Variants in DOK6 observed in about 807,000 individuals in gnomAD.
DOK6 encodes the protein docking protein 6.
In DOK6, 22 loss-of-function variants were observed where a neutral mutation model predicts 44.0. The observed-to-expected ratio is 0.50, with a 90% CI of 0.36 to 0.71. The LOEUF (loss-of-function observed/expected upper bound fraction) is 0.71. Ranked by LOEUF, DOK6 falls within the 30% of genes least tolerant of loss-of-function variation. The probability of loss-of-function intolerance (pLI) is 0.00; values close to 1 mark genes in which losing one functional copy is unlikely to be tolerated. For missense variants in DOK6, 340 were observed against 416.4 expected (o/e 0.82, Z 1.60); for synonymous variants, 166 against 145.5 (o/e 1.14, Z -1.01).
At chr18:69,812,094 A>G (rs1254226486) in intron 7 of DOK6, among the ~76,000 whole-genome samples, 7 of 152,174 alleles carry the variant, frequency 4.6e-5, no homozygotes, top group Non-Finnish European at 7.3e-5. Flanking sequence ...TATATTTAAT[A>G]GAATGTTAAA....
At position 69,842,451 on chromosome 18, in the gene DOK6, C is replaced by A. The variant is rs913207946; in HGVS notation, c.*1068C>A. The A allele has an allele frequency of 6.6e-6, 1 of 152,138 alleles. No individual in the cohort carries two copies. Among genetic ancestry groups the A allele is most frequent in the Non-Finnish European group, 1.5e-5 (1 of 68,020 alleles). 9.4% of individuals were successfully genotyped at this position (152,138 alleles called of 1,614,324 possible). A position where few individuals can be genotyped will look rare whatever the true frequency, so the allele number is the denominator to read the frequency against. On this transcript the variant is annotated 3_prime_UTR_variant, in exon 8 of 8. Coordinates refer to ENST00000382713, the MANE Select transcript of DOK6 (RefSeq NM_152721.6). Reference sequence around the variant, plus strand: ...AACTCTTTAAGAAAGAAAGAATACACCCATAAAGAACTCAGCTATTTTGCA... The same window carrying A: ...AACTCTTTAAGAAAGAAAGAATACAACCATAAAGAACTCAGCTATTTTGCA...
intron 7 of DOK6, among the ~76,000 whole-genome samples, chr18:69,839,363 T>C (rs1010870080): frequency 4.2e-5 from 6 of 143,224 alleles, no homozygotes; most frequent in African/African-American, 1.6e-4. Flanking sequence ...CCCTGGTCTA[T>C]CCCATGACTC....
rs369109145 is a variant in DOK6, at chr18:69,568,036, G to A, written c.174+3442G>A. Among the ~76,000 whole-genome samples the A allele has an allele frequency of 1.9e-4, 29 of 152,138 alleles. 2 individuals are homozygous for A. Among genetic ancestry groups the A allele is most frequent in the Middle Eastern group, 3.4e-3 (1 of 292 alleles). On this transcript the variant is annotated intron_variant, in intron 2 of 7. Coordinates refer to ENST00000382713, the MANE Select transcript of DOK6 (RefSeq NM_152721.6). ...CCCAAGCTGGTTTCTGGCTCCCCGC[G>A]GCCTGCCTTCAGGCAACCGGCTCTC...
chr18:69,468,561 CTA>C (rs1979994230), intron 1 of DOK6, among the ~76,000 whole-genome samples: 1 of 152,120 alleles, frequency 6.6e-6, no homozygotes, highest in Non-Finnish European at 1.5e-5. Flanking sequence ...TATAGATTTC[CTA>C]CATAGTCTGT....
chr18:69,407,176 A>G (rs1446744045), intron 1 of DOK6, among the ~76,000 whole-genome samples: 1 of 152,236 alleles, frequency 6.6e-6, no homozygotes, highest in Non-Finnish European at 1.5e-5. Flanking sequence ...TTTGGATCAT[A>G]AACCATGTAG....
chr18:69,536,332 A>G (rs930690582), intron 1 of DOK6, among the ~76,000 whole-genome samples: 5 of 152,222 alleles, frequency 3.3e-5, no homozygotes, highest in Non-Finnish European at 5.9e-5. Context: ...AGTAGAATGC[A>G]AGGTAAATAC....
intron 6 of DOK6, among the ~76,000 whole-genome samples, chr18:69,745,256 G>A (rs899759092): frequency 6.6e-6 from 1 of 152,036 alleles, no homozygotes; most frequent in Non-Finnish European, 1.5e-5. Flanking sequence ...ACAAAATATT[G>A]CAATTTCTGT....
At chr18:69,698,378 C>T (rs1397059600) in intron 4 of DOK6, 26 bp from the exon 5 acceptor site, 1 of 1,581,142 alleles carries the variant, frequency 6.3e-7, no homozygotes, top group South Asian at 1.2e-5. Context: ...TTCACTTAAC[C>T]TTCTCCATTC....
chr18:69,806,163 G>A (rs964558041), intron 7 of DOK6, among the ~76,000 whole-genome samples: 10 of 151,872 alleles, frequency 6.6e-5, no homozygotes, highest in African/African-American at 2.2e-4. Flanking sequence ...CCCAGCCATA[G>A]AGAAGTACTT....
intron 1 of DOK6, among the ~76,000 whole-genome samples, chr18:69,429,620 CATATATATATATATATATAT>C (rs143819043): frequency 0.042 from 4,436 of 105,934 alleles, 287 homozygotes; most frequent in East Asian, 0.12. Flanking sequence ...TTGAGGGATA[CATATATATATATATATATAT>C]ATATATATAT....
intron 1 of DOK6, among the ~76,000 whole-genome samples, chr18:69,524,052 A>T (rs1426882834): frequency 6.6e-6 from 1 of 152,082 alleles, no homozygotes; most frequent in Non-Finnish European, 1.5e-5. Context: ...GTACAGGTGC[A>T]GAACCAATTC....
intron 7 of DOK6, among the ~76,000 whole-genome samples, chr18:69,836,489 T>G (rs964552044): frequency 4.9e-5 from 7 of 142,620 alleles, no homozygotes; most frequent in South Asian, 2.1e-4. Flanking sequence ...ATGTGATATG[T>G]TTTTTTTTTC....
chr18:69,481,970 C>T (rs1980436910), intron 1 of DOK6, among the ~76,000 whole-genome samples: 1 of 152,166 alleles, frequency 6.6e-6, no homozygotes, highest in East Asian at 1.9e-4. Flanking sequence ...TCTCTGATGG[C>T]CAGTGATGAT....
intron 3 of DOK6, among the ~76,000 whole-genome samples, chr18:69,603,748 G>T (rs1169508462): frequency 6.9e-6 from 1 of 145,546 alleles, no homozygotes; most frequent in African/African-American, 2.6e-5. Flanking sequence ...TCCAGCCTGG[G>T]CGACAGAGCG....
At chr18:69,412,250 C>T (rs17080908) in intron 1 of DOK6, among the ~76,000 whole-genome samples, 8,577 of 152,150 alleles carry the variant, frequency 0.056, 272 homozygotes, top group Middle Eastern at 0.12. Flanking sequence ...TCCAGAACTC[C>T]GCTGAGAGAC....
At chr18:69,550,530 G>T (rs1982534637) in intron 1 of DOK6, among the ~76,000 whole-genome samples, 1 of 152,042 alleles carries the variant, frequency 6.6e-6, no homozygotes, top group Non-Finnish European at 1.5e-5. Flanking sequence ...CCAGCATTTT[G>T]CAGAATCATT....
At chr18:69,635,599 G>A (rs956574575) in intron 3 of DOK6, among the ~76,000 whole-genome samples, 8 of 152,136 alleles carry the variant, frequency 5.3e-5, no homozygotes, top group East Asian at 3.9e-4. Flanking sequence ...TGACAGCAAC[G>A]AGGATCTGAT....
chr18:69,794,571 G>A (rs565475891), intron 7 of DOK6, among the ~76,000 whole-genome samples: 1 of 152,226 alleles, frequency 6.6e-6, no homozygotes, highest in East Asian at 1.9e-4. Context: ...AGTTGAGTAA[G>A]ATTCCACTCC....
intron 7 of DOK6, among the ~76,000 whole-genome samples, chr18:69,811,210 G>A (rs555529986): frequency 9.9e-5 from 15 of 151,808 alleles, no homozygotes; most frequent in Admixed American, 9.9e-4. Context: ...ACACAGAGCG[G>A]AAAAAAATAC....
Sources: gnomAD v4.1 joint callset for allele counts (sites outside exome capture counted in the v4.1 genomes callset) on GRCh38, gnomAD v4.1.1 for gene constraint, MANE v1.5 for transcripts, NCBI Gene and HGNC (gene_info 2026-07-23, HGNC 2026-07-21) for gene names.